The following CFAP299 variants were observed in gnomAD, a reference collection of about 807,000 sequenced individuals.
CFAP299 encodes cilia and flagella associated protein 299, also known as cilia- and flagella-associated protein 299.
CFAP299 carries 21 observed loss-of-function variants against 27.0 expected under a neutral mutation model. That is an observed-to-expected ratio of 0.78 (90% CI 0.55 to 1.12). The LOEUF (loss-of-function observed/expected upper bound fraction) is 1.12. CFAP299 is among the 50% of genes most tolerant of loss of function. CFAP299 has a pLI of 0.00. For missense variants in CFAP299, 310 were observed against 276.6 expected (o/e 1.12, Z -0.86); for synonymous variants, 104 against 98.1 (o/e 1.06, Z -0.36).
At chr4:80,866,203 G>C (rs973372893) in intron 3 of CFAP299, among the ~76,000 whole-genome samples, 4 of 149,972 alleles carry the variant, frequency 2.7e-5, no homozygotes, top group Non-Finnish European at 5.9e-5. Context: ...ACAGCCACAG[G>C]TGATTATCGT....
intron 3 of CFAP299, among the ~76,000 whole-genome samples, chr4:80,654,768 C>G (rs935219401): frequency 1.1e-4 from 16 of 150,574 alleles, no homozygotes; most frequent in African/African-American, 3.7e-4. Flanking sequence ...TGCCACCATG[C>G]CGAGCTAATT....
At chr4:80,699,497 C>T (rs1470224246) in intron 3 of CFAP299, among the ~76,000 whole-genome samples, 2 of 152,200 alleles carry the variant, frequency 1.3e-5, no homozygotes, top group Non-Finnish European at 2.9e-5. Context: ...AGGTGGGACA[C>T]ATTCTGTGGC....
intron 2 of CFAP299, among the ~76,000 whole-genome samples, chr4:80,478,237 A>G (rs1018868445): frequency 4.6e-5 from 7 of 152,100 alleles, no homozygotes; most frequent in African/African-American, 1.4e-4. Context: ...GATGTCCACT[A>G]TTTTCCATTT....
chr4:80,561,298 A>G (rs1007343425), intron 2 of CFAP299, among the ~76,000 whole-genome samples: 1 of 152,174 alleles, frequency 6.6e-6, no homozygotes, highest in African/African-American at 2.4e-5. Flanking sequence ...TTAGATCACA[A>G]CACTCAAGTC....
chr4:80,468,749 C>T lies in CFAP299; in HGVS notation c.242+105865C>T, dbSNP rs182356369. 4.2e-4 allele frequency among the ~76,000 whole-genome samples: 63 copies of T among 149,168 alleles called. No homozygotes were observed. In the East Asian group the frequency reaches 0.013, roughly 30 times the overall value. ...ACTAGAGAGGCTGAGGCAGAAGAAT[C>T]GCTTGAACCCAGGAGGCAGAGGTTG... On this transcript the variant is annotated intron_variant, in intron 2 of 5. Transcript: ENST00000358105.
chr4:80,362,988 G>C, intron 2 of CFAP299, 104 bp downstream of exon 2: 2 of 1,273,376 alleles, frequency 1.6e-6, no homozygotes, highest in Non-Finnish European at 1.0e-6. Context: ...GGGTGGAGCA[G>C]GTAAAACTTG....
At position 80,799,686 on chromosome 4, in the gene CFAP299, T is replaced by C. The variant is rs1460812415; in HGVS notation, c.334-70307T>C. 1.0e-3 allele frequency among the ~76,000 whole-genome samples: 46 copies of C among 46,102 alleles called. 5 individuals carry two copies. The highest frequency in any genetic ancestry group is 4.8e-3 in the African/African-American group (43 of 8,986). 30.2% of individuals were successfully genotyped at this position (46,102 alleles called of 152,430 possible). ...TATTTTATAAATATATATTTATAAA[T>C]ATATAATATATAAAATATATATTTT... On this transcript the variant is annotated intron_variant, in intron 3 of 5. Coordinates refer to ENST00000358105, the MANE Select transcript of CFAP299 (RefSeq NM_152770.3).
intron 2 of CFAP299, among the ~76,000 whole-genome samples, chr4:80,377,604 A>G (rs556521932): frequency 9.9e-5 from 15 of 152,222 alleles, no homozygotes; most frequent in African/African-American, 2.6e-4. Flanking sequence ...AAAGTTTAGA[A>G]TCACCTAAAT....
chr4:80,609,871 A>G (rs1737877024), intron 3 of CFAP299, among the ~76,000 whole-genome samples: 1 of 152,038 alleles, frequency 6.6e-6, no homozygotes, highest in South Asian at 2.1e-4. Flanking sequence ...GTGTTTGAAT[A>G]GTCTATAAAT....
At chr4:80,519,958 A>G (rs1578547176) in intron 2 of CFAP299, among the ~76,000 whole-genome samples, 1 of 152,174 alleles carries the variant, frequency 6.6e-6, no homozygotes, top group African/African-American at 2.4e-5. Context: ...TGGCATCAGA[A>G]TTGCAGTTAG....
In CFAP299 at chr4:80,800,637, T is replaced by G. The variant is rs1251430379; in HGVS notation, c.334-69356T>G. ...AATATATAATATATTAATATAAATA[T>G]ATAATATATTAATATATATATGATA... On this transcript the variant is annotated intron_variant, in intron 3 of 5. Coordinates refer to ENST00000358105, the MANE Select transcript of CFAP299 (RefSeq NM_152770.3). 2.3e-3 allele frequency among the ~76,000 whole-genome samples: 246 copies of G among 105,032 alleles called. 1 individual carries two copies. The highest frequency in any genetic ancestry group is 3.7e-3 in the Non-Finnish European group (211 of 57,720). 68.9% of individuals were successfully genotyped at this position (105,032 alleles called of 152,430 possible). A position where few individuals can be genotyped will look rare whatever the true frequency, so the allele number is the denominator to read the frequency against.
intron 2 of CFAP299, among the ~76,000 whole-genome samples, chr4:80,365,291 C>A (rs950270648): frequency 6.6e-6 from 1 of 152,200 alleles, no homozygotes; most frequent in African/African-American, 2.4e-5. Context: ...ACCATTCTGA[C>A]TGGCATGAGA....
At chr4:80,868,426 C>A (rs1200919990) in intron 3 of CFAP299, among the ~76,000 whole-genome samples, 2 of 152,062 alleles carry the variant, frequency 1.3e-5, no homozygotes, top group African/African-American at 4.8e-5. Context: ...CTGGATAATT[C>A]TTTTATTTTC....
At chr4:80,490,984 T>G (rs1452225292) in intron 2 of CFAP299, among the ~76,000 whole-genome samples, 2 of 140,922 alleles carry the variant, frequency 1.4e-5, no homozygotes, top group African/African-American at 2.7e-5. Context: ...AGACAAAAAT[T>G]AGTTTCAACA....
intron 3 of CFAP299, among the ~76,000 whole-genome samples, chr4:80,644,428 A>G (rs868360857): frequency 5.9e-5 from 9 of 152,164 alleles, no homozygotes; most frequent in African/African-American, 2.2e-4. Flanking sequence ...AGAGACTCTG[A>G]AACACTCAAT....
chr4:80,684,863 C>G (rs759726864), intron 3 of CFAP299, among the ~76,000 whole-genome samples: 5 of 151,884 alleles, frequency 3.3e-5, no homozygotes, highest in Non-Finnish European at 7.4e-5. Context: ...AATGATGTAT[C>G]TCTGTTTGTT....
At chr4:80,551,385 G>C (rs1413652095) in intron 2 of CFAP299, among the ~76,000 whole-genome samples, 1 of 152,052 alleles carries the variant, frequency 6.6e-6, no homozygotes, top group African/African-American at 2.4e-5. Flanking sequence ...ATTGTTTCTT[G>C]TAAAGGATAG....
intron 2 of CFAP299, among the ~76,000 whole-genome samples, chr4:80,518,715 A>T (rs955681366): frequency 6.6e-6 from 1 of 152,138 alleles, no homozygotes; most frequent in Non-Finnish European, 1.5e-5. Context: ...AGATAACAGG[A>T]TCATGTCATG....
chr4:80,767,294 C>T (rs1020621225), intron 3 of CFAP299, among the ~76,000 whole-genome samples: 1 of 152,036 alleles, frequency 6.6e-6, no homozygotes, highest in African/African-American at 2.4e-5. Flanking sequence ...TATATGAATA[C>T]AATCTCTCTT....
Sources: gnomAD v4.1 joint callset for allele counts (sites outside exome capture counted in the v4.1 genomes callset) on GRCh38, gnomAD v4.1.1 for gene constraint, MANE v1.5 for transcripts, NCBI Gene and HGNC (gene_info 2026-07-23, HGNC 2026-07-21) for gene names.